Variants in PI4KA observed in about 807,000 individuals in gnomAD.
PI4KA encodes the protein phosphatidylinositol 4-kinase alpha.
In PI4KA, 122 loss-of-function variants were observed where a neutral mutation model predicts 271.4. That is an observed-to-expected ratio of 0.45 (90% confidence interval 0.39 to 0.52). The LOEUF is 0.52. PI4KA is among the 20% of genes least tolerant of loss of function. The probability of loss-of-function intolerance (pLI) is 0.00; values close to 1 mark genes in which losing one functional copy is unlikely to be tolerated. For synonymous variants in PI4KA, 1,041 were observed against 1,078.8 expected, an observed-to-expected ratio of 0.96 and a Z score of 0.69; for missense variants, 1,969 against 2,769.1, an observed-to-expected ratio of 0.71 and a Z score of 6.48.
At chr22:20,784,379 CTG>C in intron 19 of PI4KA, 4 of 1,209,056 alleles carry the variant, frequency 3.3e-6, no homozygotes, top group Non-Finnish European at 3.5e-6. Flanking sequence ...CAGGGCCACT[CTG>C]TTAATTCAGC....
chr22:20,823,054 C>T (rs957873233), intron 4 of PI4KA, among the ~76,000 whole-genome samples: 1 of 152,130 alleles, frequency 6.6e-6, no homozygotes, highest in African/African-American at 2.4e-5. Context: ...GCTAGGATTA[C>T]AGGCTCCTGC....
At chr22:20,797,207 C>T (rs977669023) in intron 17 of PI4KA, among the ~76,000 whole-genome samples, 7 of 152,120 alleles carry the variant, frequency 4.6e-5, no homozygotes, top group African/African-American at 1.7e-4. Flanking sequence ...TAAATGCTTC[C>T]ACTGGTGAGG....
In PI4KA at chr22:20,733,859, G is replaced by A. The variant is rs201710309; in HGVS notation, c.4053-16C>T. 3.2e-4 allele frequency: 514 copies of A among 1,612,046 alleles called. 3 individuals carry two copies. The East Asian group carries it at 9.6e-3, about 30-fold the overall frequency. Reference sequence around the variant, plus strand: ...GGTCAGCAGCCTGTGAGGGAGCCCCGGACCCAGTTAGAGCAGGAGCCTGGC... The same window carrying A: ...GGTCAGCAGCCTGTGAGGGAGCCCCAGACCCAGTTAGAGCAGGAGCCTGGC... On this transcript the variant is annotated splice_polypyrimidine_tract_variant and intron_variant, in intron 34 of 54. Coordinates refer to ENST00000255882, the MANE Select transcript of PI4KA (RefSeq NM_058004.4).
At position 20,799,741 on chromosome 22, in the gene PI4KA, C is replaced by G; in HGVS notation, c.1750G>C (p.Asp584His). Residue 584 changes from aspartate (D) to histidine (H), a missense_variant, in exon 15 of 55, where the codon GAC (aspartate) becomes CAC (histidine). Physicochemically the swap from Asp to His is moderately conservative, Grantham distance 81 (BLOSUM62 -1). This residue lies in a region of PI4KA where 228 missense variants were observed against 261.6 expected (regional missense o/e 0.87). Coordinates refer to ENST00000255882, the MANE Select transcript of PI4KA (RefSeq NM_058004.4). ...AAGAACGCCTCCACAATCACTGGGT[C>G]CACCGTCAATCCAGCCTTCAGGCAC... ...CRCLKAGLTV[D>H]PVIVEAFLAS... 6.4e-7 allele frequency: 1 copy of G among 1,552,782 alleles called. No homozygotes were observed. Among genetic ancestry groups the G allele is most frequent in the Non-Finnish European group, 8.7e-7 (1 of 1,147,548 alleles).
intron 19 of PI4KA, among the ~76,000 whole-genome samples, chr22:20,777,087 T>A (rs1933353940): frequency 6.6e-6 from 1 of 151,910 alleles, no homozygotes; most frequent in Non-Finnish European, 1.5e-5. Context: ...ACTCACTCTA[T>A]CCCCCAGGTT....
chr22:20,841,173 C>T (rs766036995), intron 1 of PI4KA, among the ~76,000 whole-genome samples: 3 of 152,156 alleles, frequency 2.0e-5, no homozygotes, highest in Non-Finnish European at 4.4e-5. Flanking sequence ...AGCCATCGCA[C>T]CCTGCCACCA....
intron 3 of PI4KA, among the ~76,000 whole-genome samples, chr22:20,829,398 C>T (rs1923859632): frequency 6.6e-6 from 1 of 152,062 alleles, no homozygotes; most frequent in Non-Finnish European, 1.5e-5. Flanking sequence ...TTGTATATGT[C>T]CAGGAATTTA....
At chr22:20,812,309 T>C (rs898506032) in intron 8 of PI4KA, among the ~76,000 whole-genome samples, 1 of 152,210 alleles carries the variant, frequency 6.6e-6, no homozygotes, top group African/African-American at 2.4e-5. Flanking sequence ...TTATTACCTA[T>C]GTTGTAATGT....
At chr22:20,795,703 C>A (rs1315651460) in intron 18 of PI4KA, among the ~76,000 whole-genome samples, 1 of 152,172 alleles carries the variant, frequency 6.6e-6, no homozygotes, top group African/African-American at 2.4e-5. Flanking sequence ...CAAGACATGA[C>A]GTTTATCTCA....
In PI4KA at chr22:20,707,898, C is replaced by T. The variant is rs891464589; in HGVS notation, c.*149G>A. 8 of 779,134 alleles carry T rather than the reference C, an allele frequency of 1.0e-5. No individual in the cohort carries two copies. Among genetic ancestry groups the T allele is most frequent in the African/African-American group, 5.1e-5 (3 of 58,874 alleles). 48.3% of individuals were successfully genotyped at this position (779,134 alleles called of 1,614,324 possible). On this transcript the variant is annotated 3_prime_UTR_variant, in exon 55 of 55. Coordinates refer to ENST00000255882, the MANE Select transcript of PI4KA (RefSeq NM_058004.4). ...GGCGTTACCAAGGCTGCGCCACCCA[C>T]GTGCTGCCCCAGGAGGCGCTACCAG... is the stretch of plus-strand genomic sequence containing the variant.
chr22:20,833,209 T>C (rs2147756029), intron 3 of PI4KA, among the ~76,000 whole-genome samples: 2 of 152,268 alleles, frequency 1.3e-5, no homozygotes, highest in South Asian at 4.1e-4. Context: ...GGGGCTGGTA[T>C]TGGGCACTCA....
At position 20,796,226 on chromosome 22, in the gene PI4KA, G is replaced by A; in HGVS notation, c.2197C>T (p.Leu733=). The A allele has an allele frequency of 6.2e-7, 1 of 1,614,134 alleles. No individual in the cohort carries two copies. The highest frequency in any genetic ancestry group is 8.5e-7 in the Non-Finnish European group (1 of 1,180,014). ...EHLVDELLMN[L]LELFVQLGLE... The stretch of plus-strand genomic sequence containing the variant: ...CCCAGCTGCACAAACAACTCCAACA[G>A]GTTCATGAGCAGCTCATCCACCAGG... The change falls in exon 18 of 55, where the codon CTG becomes TTG. Residue 733 remains leucine (L), a synonymous_variant. Transcript: ENST00000255882.
intron 1 of PI4KA, among the ~76,000 whole-genome samples, chr22:20,846,587 A>G (rs1926287387): frequency 1.3e-5 from 2 of 152,234 alleles, no homozygotes; most frequent in South Asian, 2.1e-4. Context: ...CCATGCCTGT[A>G]ATCCCAGCAC....
At chr22:20,784,320 A>AT (rs1934036826) in intron 19 of PI4KA, 15 of 1,595,158 alleles carry the variant, frequency 9.4e-6, no homozygotes, top group African/African-American at 2.7e-5. Context: ...AAAATGGATC[A>AT]TTTTTTTAAA....
chr22:20,739,498 A>G (rs1370388359), intron 32 of PI4KA, among the ~76,000 whole-genome samples: 1 of 151,698 alleles, frequency 6.6e-6, no homozygotes, highest in African/African-American at 2.4e-5. Context: ...GAAAAAAAAT[A>G]AAGACCTCCT....
intron 1 of PI4KA, among the ~76,000 whole-genome samples, chr22:20,842,762 G>A (rs933458976): frequency 6.7e-6 from 1 of 149,430 alleles, no homozygotes; most frequent in Admixed American, 6.8e-5. Context: ...GCAGTGAGCC[G>A]AGATTGTGCC....
chr22:20,715,987 T>C (rs1264014522), intron 45 of PI4KA, among the ~76,000 whole-genome samples: 1 of 152,114 alleles, frequency 6.6e-6, no homozygotes, highest in Non-Finnish European at 1.5e-5. Context: ...ACCTCCTGGG[T>C]TCAAGTGATT....
intron 3 of PI4KA, among the ~76,000 whole-genome samples, chr22:20,828,728 G>C (rs1171318246): frequency 6.6e-6 from 1 of 151,902 alleles, no homozygotes; most frequent in East Asian, 1.9e-4. Context: ...CTAATTTTTT[G>C]TATTTCAGGA....
intron 10 of PI4KA, among the ~76,000 whole-genome samples, chr22:20,806,391 T>G (rs1935652235): frequency 6.6e-6 from 1 of 151,672 alleles, no homozygotes; most frequent in South Asian, 2.1e-4. Context: ...TGTCTCAGGT[T>G]GGGTGCAGTG....
Sources: allele counts gnomAD v4.1 joint callset (sites outside exome capture counted in the v4.1 genomes callset), GRCh38; gene constraint gnomAD v4.1.1; regional missense constraint gnomAD v4.1.1; transcripts MANE v1.5; gene names NCBI Gene and HGNC (gene_info 2026-07-23, HGNC 2026-07-21).